Variants in KRT81 observed in about 807,000 individuals in gnomAD.
The protein encoded by KRT81 is keratin 81.
A neutral mutation model predicts 35.8 loss-of-function variants in KRT81; 35 were observed. The observed-to-expected ratio is 0.98, with a 90% CI of 0.75 to 1.30. The LOEUF is 1.30. Ranked by LOEUF, KRT81 falls within the 50% of genes most tolerant of loss-of-function variation. KRT81 has a pLI of 0.00. For synonymous variants in KRT81, 249 were observed against 251.2 expected (o/e 0.99, Z 0.08); for missense variants, 531 against 577.4 (o/e 0.92, Z 0.82).
Position 52,286,837 on chromosome 12 carries a change from G to GA in KRT81, c.1248-16dup. 1 of 1,613,740 alleles carries GA rather than the reference G, an allele frequency of 6.2e-7. No individual in the cohort carries two copies. Among genetic ancestry groups the GA allele is most frequent in the South Asian group, 1.1e-5 (1 of 90,936 alleles). On this transcript the variant is annotated splice_polypyrimidine_tract_variant and intron_variant, in intron 7 of 8. Coordinates refer to ENST00000327741, the MANE Select transcript of KRT81 (RefSeq NM_002281.4). The stretch of plus-strand genomic sequence containing the variant: ...CTTCACATAGCCTGAGGGCAAAAGA[G>GA]AAAAAGGCAACATTAGTGACTGCCC...
Position 52,286,334 on chromosome 12 carries a change from C to T in KRT81, c.1439G>A (p.Gly480Glu). The change falls in exon 9 of 9, where the codon GGG (glycine) becomes GAG (glutamate). Residue 480 changes from glycine (G) to glutamate (E), a missense_variant. Physicochemically the swap from Gly to Glu is moderately conservative, Grantham distance 98 (BLOSUM62 -2). Coordinates refer to ENST00000327741, the MANE Select transcript of KRT81 (RefSeq NM_002281.4). The part of the protein sequence containing the change: ...PCGQLNTTCG[G>E]GSCGVGSCGI... ...ACAGGAGCCCACGCCGCAGGAACCC[C>T]CTCCGCAGGTGGTGTTCAATTGGCC... 1.9e-6 allele frequency: 3 copies of T among 1,554,924 alleles called. No individual in the cohort carries two copies. Among genetic ancestry groups the T allele is most frequent in the Non-Finnish European group, 1.7e-6 (2 of 1,148,752 alleles).
In KRT81 at chr12:52,286,313, G is replaced by A. The variant is rs1359707216; in HGVS notation, c.1460C>T (p.Ser487Phe). The change falls in exon 9 of 9, where the codon TCC becomes TTC. Residue 487 changes from serine to phenylalanine, a missense_variant. By Grantham distance (155) the Ser-to-Phe change is radical (BLOSUM62 -2). This residue lies in a region of KRT81 where 150 missense variants were observed against 145.4 expected (regional missense o/e 1.03). Coordinates refer to ENST00000327741, the MANE Select transcript of KRT81 (RefSeq NM_002281.4). ...TCGGGSCGVG[S>F]CGISSLGVGS... ...CACACCCAGGGAGCTGATACCACAG[G>A]AGCCCACGCCGCAGGAACCCCCTCC... 6.4e-7 allele frequency: 1 copy of A among 1,554,562 alleles called. No individual in the cohort carries two copies.
In KRT81 at chr12:52,291,449, C is replaced by T. The variant is rs1460194220; in HGVS notation, c.17G>A (p.Gly6Glu). 8 of 1,612,904 alleles carry T rather than the reference C, an allele frequency of 5.0e-6. No homozygotes were observed. Among genetic ancestry groups the T allele is most frequent in the African/African-American group, 2.7e-5 (2 of 75,018 alleles). ...GCAGCTGAAGGCGCGCCCACCAAAT[C>T]CTGATCCGCAGGTCATGATCCTCCT... Reference protein sequence around the residue: MTCGSGFGGRAFSCIS... With the variant: MTCGSEFGGRAFSCIS... The change falls in exon 1 of 9, where the codon GGA becomes GAA. Residue 6 changes from glycine to glutamate, a missense_variant. Gly to Glu is a moderately conservative substitution (Grantham distance 98, BLOSUM62 -2). This residue lies in a region of KRT81 where 133 missense variants were observed against 125.9 expected (regional missense o/e 1.06). Transcript: ENST00000327741.
rs202205489 is a variant in KRT81 at position 52,291,404 on chromosome 12, C to T, written c.62G>A (p.Arg21Gln). Residue 21 changes from arginine to glutamine, a missense_variant, in exon 1 of 9, where the codon CGG becomes CAG. Arg to Gln is a conservative substitution (Grantham distance 43). Coordinates refer to ENST00000327741, the MANE Select transcript of KRT81 (RefSeq NM_002281.4). ...AFSCISACGP[R>Q]PGRCCITAAP... ...GGCGGTGATGCAGCAGCGGCCGGGC[C>T]GCGGCCCGCAGGCCGAGATGCAGCT... 7.0e-4 allele frequency: 1,133 copies of T among 1,610,464 alleles called. 6 individuals carry two copies. The African/African-American group carries it at 0.014, about 20-fold the overall frequency.
At position 52,288,163 on chromosome 12, in the gene KRT81, G is replaced by A; in HGVS notation, c.736-15C>T. The A allele has an allele frequency of 6.2e-7, 1 of 1,613,996 alleles. No individual in the cohort carries two copies. Among genetic ancestry groups the A allele is most frequent in the Non-Finnish European group, 8.5e-7 (1 of 1,179,972 alleles). ...ATGAGGATCTCCTGCAGGAGGTGAGGGCAGTGACTTTAGTTGAGAATACAG... is the reference window on the plus strand; with the variant it reads ...ATGAGGATCTCCTGCAGGAGGTGAGAGCAGTGACTTTAGTTGAGAATACAG... On this transcript the variant is annotated splice_polypyrimidine_tract_variant and intron_variant, in intron 4 of 8. Transcript: ENST00000327741.
intron 7 of KRT81, 44 bp from the exon 8 acceptor site, chr12:52,286,866 A>G: frequency 6.2e-7 from 1 of 1,610,796 alleles, no homozygotes; most frequent in East Asian, 2.2e-5. Flanking sequence ...ACTGCCCCAG[A>G]GTGGCTGAAA....
rs773147228 is a variant in KRT81, at chr12:52,288,376, C to A, written c.720G>T (p.Arg240Ser). Residue 240 changes from arginine (R) to serine (S), a missense_variant, in exon 4 of 9, where the codon AGG becomes AGT. Around this residue, in one of 5 missense-constraint regions of KRT81, gnomAD observed 194 missense variants for 198.2 expected, o/e 0.98. Coordinates refer to ENST00000327741, the MANE Select transcript of KRT81 (RefSeq NM_002281.4). Reference sequence around the variant, plus strand: ...GAGCCCGCACCTCCTCATACAGCCGCCTCAGGAAGTCGATCTCCTGGATCA... The same window carrying A: ...GAGCCCGCACCTCCTCATACAGCCGACTCAGGAAGTCGATCTCCTGGATCA... The part of the protein sequence containing the change: ...EALIQEIDFL[R>S]RLYEEEILIL... 1.1e-5 allele frequency: 17 copies of A among 1,614,146 alleles called. No individual in the cohort carries two copies. The highest frequency in any genetic ancestry group is 1.4e-5 in the Non-Finnish European group (16 of 1,179,996).
In KRT81 at chr12:52,286,372, C is replaced by G. The variant is rs565511472; in HGVS notation, c.1401G>C (p.Leu467=). Residue 467 remains leucine, a synonymous_variant, in exon 9 of 9, where the codon CTG becomes CTC. Transcript: ENST00000327741. ...TGTTCAATTGGCCGCAGGGCGCACA[C>G]AGGCCGGTGCTCACCGCCACGTTCC... is the stretch of plus-strand genomic sequence containing the variant. ...CNGNVAVSTG[L]CAPCGQLNTT... The G allele has an allele frequency of 1.2e-5, 19 of 1,555,354 alleles. No individual in the cohort carries two copies. In the South Asian group the frequency reaches 1.5e-4, roughly 13 times the overall value.
chr12:52,287,481 T>A, intron 6 of KRT81, 115 bp downstream of exon 6: 2 of 1,600,218 alleles, frequency 1.2e-6, no homozygotes, highest in South Asian at 2.2e-5. Flanking sequence ...CCAGGGACTC[T>A]ACATGGACAA....
At position 52,288,376 on chromosome 12, in the gene KRT81, C is replaced by T. The variant is rs773147228; in HGVS notation, c.720G>A (p.Arg240=). ...EALIQEIDFL[R]RLYEEEILIL... Reference sequence around the variant, plus strand: ...GAGCCCGCACCTCCTCATACAGCCGCCTCAGGAAGTCGATCTCCTGGATCA... The same window carrying T: ...GAGCCCGCACCTCCTCATACAGCCGTCTCAGGAAGTCGATCTCCTGGATCA... The change falls in exon 4 of 9, where the codon AGG becomes AGA. Residue 240 remains arginine, a synonymous_variant. Coordinates refer to ENST00000327741, the MANE Select transcript of KRT81 (RefSeq NM_002281.4). 6.2e-7 allele frequency: 1 copy of T among 1,614,146 alleles called. No individual in the cohort carries two copies. Among genetic ancestry groups the T allele is most frequent in the Non-Finnish European group, 8.5e-7 (1 of 1,179,996 alleles).
chr12:52,285,923 T>G lies in KRT81; in HGVS notation c.*332A>C. On this transcript the variant is annotated 3_prime_UTR_variant, in exon 9 of 9. Coordinates refer to ENST00000327741, the MANE Select transcript of KRT81 (RefSeq NM_002281.4). Reference sequence around the variant, plus strand: ...CACACAAGACCCAGGTTGGCTACATTAATTTATTGAAACACAGATCAAGAG... The same window carrying G: ...CACACAAGACCCAGGTTGGCTACATGAATTTATTGAAACACAGATCAAGAG... 2.6e-6 allele frequency: 1 copy of G among 391,802 alleles called. No individual in the cohort carries two copies. The highest frequency in any genetic ancestry group is 3.8e-5 in the Admixed American group (1 of 26,378). The allele number at this position is 391,802 out of a possible 1,614,324, so 24.3% of individuals were successfully genotyped here.
In KRT81 at chr12:52,286,474, G is replaced by A. The variant is rs774569348; in HGVS notation, c.1299C>T (p.Gly433=). 25 of 1,552,240 alleles carry A rather than the reference G, an allele frequency of 1.6e-5. No individual in the cohort carries two copies. The highest frequency in any genetic ancestry group is 4.9e-5 in the East Asian group (2 of 41,040). The part of the protein sequence containing the change: ...AVNVCVSSSR[G]GVVCGDLCVS... ...CGCAGAGGTCCCCGCACACGACCCC[G>A]CCCCGGGAGCTGCTGACACCTGTGA... Residue 433 remains glycine, a synonymous_variant, in exon 9 of 9, where the codon GGC becomes GGT. Transcript: ENST00000327741.
Position 52,286,120 on chromosome 12 carries a change from T to A in KRT81, c.*135A>T. ...AAGTGGGGGATCACACAGAGAAATGTGAGGCCAGGAGTGGGAGGGGTCTTT... is the reference window on the plus strand; with the variant it reads ...AAGTGGGGGATCACACAGAGAAATGAGAGGCCAGGAGTGGGAGGGGTCTTT... On this transcript the variant is annotated 3_prime_UTR_variant, in exon 9 of 9. Transcript: ENST00000327741. 1.3e-6 allele frequency: 1 copy of A among 768,884 alleles called. No homozygotes were observed. Among genetic ancestry groups the A allele is most frequent in the Non-Finnish European group, 2.2e-6 (1 of 452,582 alleles). The allele number at this position is 768,884 out of a possible 1,614,324, so 47.6% of individuals were successfully genotyped here. A position where few individuals can be genotyped will look rare whatever the true frequency, so the allele number is the denominator to read the frequency against.
Position 52,286,398 on chromosome 12 carries a change from C to A in KRT81, c.1375G>T (p.Gly459Trp), listed in dbSNP as rs767992926. The A allele has an allele frequency of 4.5e-6, 7 of 1,555,108 alleles. No homozygotes were observed. The South Asian group carries it at 8.3e-5, about 18-fold the overall frequency. Residue 459 changes from glycine (G) to tryptophan (W), a missense_variant, in exon 9 of 9, where the codon GGG becomes TGG. By Grantham distance (184) the Gly-to-Trp change is radical (BLOSUM62 -2). Transcript: ENST00000327741. ...AGGCCGGTGCTCACCGCCACGTTCCCGTTGCACGGAGCGCTGCAGACACTG... is the reference window on the plus strand; with the variant it reads ...AGGCCGGTGCTCACCGCCACGTTCCAGTTGCACGGAGCGCTGCAGACACTG... ...TGSVCSAPCN[G>W]NVAVSTGLCA... is the part of the protein sequence containing the mutation.
In KRT81 at chr12:52,291,368, C is replaced by G; in HGVS notation, c.98G>C (p.Arg33Pro). ...GRCCITAAPYRGISCYRGLTG... is the reference protein window; with the variant it reads ...GRCCITAAPYPGISCYRGLTG... ...GAGGCCGCGGTAGCAGGAGATGCCA[C>G]GGTAGGGGGCGGCGGTGATGCAGCA... Residue 33 changes from arginine (R) to proline (P), a missense_variant, in exon 1 of 9, where the codon CGT becomes CCT. Arg to Pro is a moderately radical substitution (Grantham distance 103). Transcript: ENST00000327741. The G allele has an allele frequency of 1.2e-6, 2 of 1,601,118 alleles. No individual in the cohort carries two copies.
Position 52,288,464 on chromosome 12 carries a change from G to A in KRT81, c.640-8C>T, listed in dbSNP as rs767675428. ...GTAGGCGCAGTCCACATCCTGGAAAGGTGGGGAGTGTTGGAGCTCAAGGAC... is the reference window on the plus strand; with the variant it reads ...GTAGGCGCAGTCCACATCCTGGAAAAGTGGGGAGTGTTGGAGCTCAAGGAC... On this transcript the variant is annotated splice_polypyrimidine_tract_variant and splice_region_variant and intron_variant, in intron 3 of 8. Coordinates refer to ENST00000327741, the MANE Select transcript of KRT81 (RefSeq NM_002281.4). 6.2e-7 allele frequency: 1 copy of A among 1,614,066 alleles called. No homozygotes were observed. Among genetic ancestry groups the A allele is most frequent in the Admixed American group, 1.7e-5 (1 of 60,026 alleles).
Position 52,286,267 on chromosome 12 carries a change from G to T in KRT81, c.1506C>A (p.Cys502Ter), listed in dbSNP as rs759545377. ...TGAGTTGGGGTGCCTAACATTTCCGGCAGCTGCTGCCGCAAGACCCCACAC... is the reference window on the plus strand; with the variant it reads ...TGAGTTGGGGTGCCTAACATTTCCGTCAGCTGCTGCCGCAAGACCCCACAC... The part of the protein sequence containing the change: ...SLGVGSCGSS[C>*]RKC The change falls in exon 9 of 9, where the codon TGC becomes TGA. Residue 502 changes from cysteine to a stop codon, truncating the protein, a stop_gained. Coordinates refer to ENST00000327741, the MANE Select transcript of KRT81 (RefSeq NM_002281.4). LOFTEE classifies it high-confidence loss of function. The T allele has an allele frequency of 3.9e-6, 6 of 1,553,936 alleles. No individual in the cohort carries two copies. The South Asian group carries it at 7.1e-5, about 18-fold the overall frequency.
At position 52,287,469 on chromosome 12, in the gene KRT81, G is replaced by T; in HGVS notation, c.1026+127C>A. The T allele has an allele frequency of 1.9e-6, 3 of 1,587,034 alleles. No individual in the cohort carries two copies. The South Asian group carries it at 3.4e-5, about 18-fold the overall frequency. ...CACCTGGGACTCATTGAGAGACCAC[G>T]ACCAGGGACTCTACATGGACAAAGG... On this transcript the variant is annotated intron_variant, in intron 6 of 8. Coordinates refer to ENST00000327741, the MANE Select transcript of KRT81 (RefSeq NM_002281.4).
At chr12:52,289,039 GCCCTTTGTCAAGGCC>G (rs1344580150) in intron 3 of KRT81, among the ~76,000 whole-genome samples, 161 bp downstream of exon 3, 2 of 118,676 alleles carry the variant, frequency 1.7e-5, no homozygotes, top group East Asian at 4.9e-4. Context: ...CCAAGTCATT[GCCCTTTGTCAAGGCC>G]CTGGATGCTC....
Sources: allele counts gnomAD v4.1 joint callset (sites outside exome capture counted in the v4.1 genomes callset), GRCh38; gene constraint gnomAD v4.1.1; regional missense constraint gnomAD v4.1.1; transcripts MANE v1.5; gene names NCBI Gene and HGNC (gene_info 2026-07-23, HGNC 2026-07-21).